Variants in DLEU7 observed in about 807,000 individuals in gnomAD.
DLEU7 encodes the protein deleted in lymphocytic leukemia 7.
DLEU7 carries 17 observed loss-of-function variants against 16.0 expected under a neutral mutation model. The ratio of observed to expected loss-of-function variants is 1.06; its 90% CI spans 0.73 to 1.59. DLEU7 has a LOEUF of 1.59. Among genes scored for constraint, DLEU7 ranks in the 40% most tolerant of loss-of-function variants. The pLI is 0.00. For synonymous variants in DLEU7, 113 were observed against 139.8 expected, an observed-to-expected ratio of 0.81 and a Z score of 1.35; for missense variants, 308 against 314.9, an observed-to-expected ratio of 0.98 and a Z score of 0.17.
rs113100872 is a variant in DLEU7, at chr13:50,843,332, C to G, written c.315G>C (p.Arg105=). 1.7e-4 allele frequency: 260 copies of G among 1,486,050 alleles called. 2 individuals carry two copies. The African/African-American group carries it at 3.3e-3, about 19-fold the overall frequency. 92.1% of individuals were successfully genotyped at this position (1,486,050 alleles called of 1,614,324 possible). Residue 105 remains arginine, a synonymous_variant, in exon 1 of 2, where the codon CGG becomes CGC. Transcript: ENST00000504404. The surrounding 1 kb of genome is among the most constrained non-coding windows in gnomAD (Gnocchi z 5.7). ...EGGAELLPFP[R]DRGPCTLAQM... ...GGGCCAGGGTGCAGGGCCCGCGGTC[C>G]CGGGGGAAGGGCAGCAACTCGGCGC...
intron 1 of DLEU7, among the ~76,000 whole-genome samples, chr13:50,752,133 G>C (rs1289532085): frequency 2.0e-5 from 3 of 148,930 alleles, no homozygotes; most frequent in African/African-American, 7.4e-5. Context: ...CTCATTGCAA[G>C]CTCTGCCTCC....
intron 1 of DLEU7, among the ~76,000 whole-genome samples, chr13:50,830,879 A>G (rs1389437170): frequency 6.6e-6 from 1 of 152,164 alleles, no homozygotes; most frequent in Admixed American, 6.6e-5. Flanking sequence ...TGGACTTGCC[A>G]TCTGAATGCT....
chr13:50,746,711 C>G (rs1874405945), intron 1 of DLEU7, among the ~76,000 whole-genome samples: 1 of 152,130 alleles, frequency 6.6e-6, no homozygotes. Context: ...ATACACTTTT[C>G]TACTTCCACA....
At chr13:50,738,363 T>G (rs942858356) in intron 1 of DLEU7, among the ~76,000 whole-genome samples, 1 of 152,168 alleles carries the variant, frequency 6.6e-6, no homozygotes, top group African/African-American at 2.4e-5. Context: ...AGATATTTTT[T>G]GGGAGAGGAG....
At chr13:50,787,888 C>T (rs17074930) in intron 1 of DLEU7, among the ~76,000 whole-genome samples, 3,242 of 152,224 alleles carry the variant, frequency 0.021, 114 homozygotes, top group African/African-American at 0.074. Context: ...CCATTGTCCA[C>T]GTCTCCTCTT....
chr13:50,832,096 T>G (rs1365579627), intron 1 of DLEU7, among the ~76,000 whole-genome samples: 1 of 152,220 alleles, frequency 6.6e-6, no homozygotes, highest in Non-Finnish European at 1.5e-5. Flanking sequence ...GGAATTCAAC[T>G]GTGAATCCAT....
intron 1 of DLEU7, among the ~76,000 whole-genome samples, chr13:50,771,792 G>A (rs1261592447): frequency 2.6e-5 from 4 of 152,186 alleles, no homozygotes; most frequent in Admixed American, 2.6e-4. Context: ...GCTTGGTGCA[G>A]AGCTGAGTTC....
intron 1 of DLEU7, among the ~76,000 whole-genome samples, chr13:50,825,158 A>G (rs969601644): frequency 3.9e-5 from 6 of 152,218 alleles, no homozygotes; most frequent in Admixed American, 3.9e-4. Context: ...GTCATCCTTA[A>G]GTATTTCTGC....
At chr13:50,800,199 C>A (rs1359887789) in intron 1 of DLEU7, among the ~76,000 whole-genome samples, 1 of 152,108 alleles carries the variant, frequency 6.6e-6, no homozygotes, top group Admixed American at 6.6e-5. Context: ...AGAATAAAAG[C>A]TCATGGTATG....
At chr13:50,778,864 T>C (rs997166191) in intron 1 of DLEU7, among the ~76,000 whole-genome samples, 1 of 152,258 alleles carries the variant, frequency 6.6e-6, no homozygotes, top group Non-Finnish European at 1.5e-5. Context: ...TTGATTTATG[T>C]GTTTAATAAG....
At chr13:50,767,455 C>CAAA (rs35091007) in intron 1 of DLEU7, among the ~76,000 whole-genome samples, 5 of 64,484 alleles carry the variant, frequency 7.8e-5, no homozygotes, top group Middle Eastern at 0.01. Flanking sequence ...GACTCCGTCT[C>CAAA]AAAAAAAAAA....
At position 50,783,541 on chromosome 13, in the gene DLEU7, T is replaced by G. The variant is rs547055497; in HGVS notation, c.459+59647A>C. Among the ~76,000 whole-genome samples the G allele has an allele frequency of 9.2e-5, 14 of 152,260 alleles. 1 individual carries two copies. In the South Asian group the frequency reaches 2.9e-3, roughly 32 times the overall value. ...CACCACTATGATTAGCTTAGACCAG[T>G]GGAGCTTCCCTCCCTAGTATGGGGA... is the stretch of plus-strand genomic sequence containing the variant. On this transcript the variant is annotated intron_variant, in intron 1 of 1. Coordinates refer to the DLEU7 transcript ENST00000400393.
intron 1 of DLEU7, among the ~76,000 whole-genome samples, chr13:50,780,813 GCAAT>G (rs1458940085): frequency 2.6e-5 from 4 of 152,152 alleles, no homozygotes; most frequent in Non-Finnish European, 5.9e-5. Context: ...TGCAGAAGGG[GCAAT>G]CAGAGTCTGT....
chr13:50,720,910 T>C (rs1185240226), intron 1 of DLEU7, among the ~76,000 whole-genome samples: 1 of 152,202 alleles, frequency 6.6e-6, no homozygotes, highest in Non-Finnish European at 1.5e-5. Flanking sequence ...TATTTATATA[T>C]TAAAGCCCAG....
At chr13:50,786,598 G>A (rs1875800393) in intron 1 of DLEU7, among the ~76,000 whole-genome samples, 1 of 152,152 alleles carries the variant, frequency 6.6e-6, no homozygotes. Context: ...GGACTTCCCT[G>A]GAACCAGACT....
At chr13:50,727,087 C>T (rs1408381510) in intron 1 of DLEU7, among the ~76,000 whole-genome samples, 3 of 152,288 alleles carry the variant, frequency 2.0e-5, no homozygotes, top group African/African-American at 7.2e-5. Flanking sequence ...AGAGCCACCT[C>T]CTCTGAGCTA....
rs76975594 is a variant in DLEU7 at position 50,788,625 on chromosome 13, C to T, written c.459+54563G>A. On this transcript the variant is annotated intron_variant, in intron 1 of 1. Coordinates refer to the DLEU7 transcript ENST00000400393. ...TGACAAGCAGAGTGAGACTCTATCA[C>T]TCTTCAAGGAGCCAAGAAATGAAAA... Among the ~76,000 whole-genome samples, 1,246 of 152,268 alleles carry T rather than the reference C, an allele frequency of 8.2e-3. 41 individuals are homozygous for T. The South Asian group carries it at 0.1, about 13-fold the overall frequency.
intron 1 of DLEU7, among the ~76,000 whole-genome samples, chr13:50,828,925 T>A (rs1415075312): frequency 6.6e-6 from 1 of 152,142 alleles, no homozygotes; most frequent in Non-Finnish European, 1.5e-5. Flanking sequence ...CATTCTTGCT[T>A]CCCTACCTTT....
At chr13:50,727,814 G>C (rs1873807051) in intron 1 of DLEU7, among the ~76,000 whole-genome samples, 1 of 152,218 alleles carries the variant, frequency 6.6e-6, no homozygotes, top group Non-Finnish European at 1.5e-5. Context: ...GTGACTTTGG[G>C]TTATTCTGCA....
Sources: gnomAD v4.1 joint callset for allele counts (sites outside exome capture counted in the v4.1 genomes callset) on GRCh38, gnomAD v4.1.1 for gene constraint, Gnocchi (gnomAD v3.1) non-coding constraint, MANE v1.5 for transcripts, NCBI Gene and HGNC (gene_info 2026-07-23, HGNC 2026-07-21) for gene names.